FHOD3: variants seen among roughly 807,000 people sequenced by gnomAD.
The protein encoded by FHOD3 is formin homology 2 domain containing 3, also known as FH1/FH2 domain-containing protein 3.
In FHOD3, 90 loss-of-function variants were observed where a neutral mutation model predicts 173.0. That is an observed-to-expected ratio of 0.52 (90% confidence interval 0.44 to 0.62). The LOEUF (loss-of-function observed/expected upper bound fraction) is 0.62, where lower values mean the gene tolerates loss of function less well. FHOD3 is among the 20% of genes least tolerant of loss of function. The pLI is 0.00. For synonymous variants in FHOD3, 828 were observed against 823.0 expected (o/e 1.01, Z -0.10); for missense variants, 1,945 against 2,034.7 (o/e 0.96, Z 0.85).
chr18:36,412,980 A>G (rs1208325874), intron 3 of FHOD3, among the ~76,000 whole-genome samples: 1 of 152,208 alleles, frequency 6.6e-6, no homozygotes, highest in Non-Finnish European at 1.5e-5. Context: ...ACTGGTGGGC[A>G]CATGGTGAAA....
At chr18:36,636,025 G>A (rs1338176686) in intron 10 of FHOD3, among the ~76,000 whole-genome samples, 5 of 152,190 alleles carry the variant, frequency 3.3e-5, no homozygotes, top group East Asian at 1.9e-4. Context: ...GAATGGAAGC[G>A]AACATACCTC....
chr18:36,411,284 A>G (rs1419002291), intron 3 of FHOD3, among the ~76,000 whole-genome samples: 1 of 152,250 alleles, frequency 6.6e-6, no homozygotes, highest in Non-Finnish European at 1.5e-5. Flanking sequence ...GTTAATAAAT[A>G]CATTTTAAAT....
At chr18:36,376,723 A>G (rs897274217) in intron 3 of FHOD3, among the ~76,000 whole-genome samples, 29 of 152,264 alleles carry the variant, frequency 1.9e-4, no homozygotes, top group African/African-American at 6.3e-4. Context: ...CAACAGAAAC[A>G]TCAACAGCAA....
chr18:36,503,384 G>A (rs889744567), intron 4 of FHOD3, among the ~76,000 whole-genome samples: 1 of 152,172 alleles, frequency 6.6e-6, no homozygotes, highest in African/African-American at 2.4e-5. Context: ...AGTTGTCAGT[G>A]AGAGCCAGAG....
intron 3 of FHOD3, among the ~76,000 whole-genome samples, chr18:36,403,572 T>C (rs181034975): frequency 1.7e-4 from 26 of 152,260 alleles, no homozygotes; most frequent in African/African-American, 6.3e-4. Context: ...ATATACTCCA[T>C]GCAGAATTTT....
chr18:36,496,918 T>C (rs1041126789), intron 3 of FHOD3, among the ~76,000 whole-genome samples: 2 of 152,234 alleles, frequency 1.3e-5, no homozygotes, highest in Non-Finnish European at 2.9e-5. Context: ...TGGTGCTTTA[T>C]ACCATAGGGA....
chr18:36,333,222 G>A (rs957630791), intron 1 of FHOD3, among the ~76,000 whole-genome samples: 4 of 152,086 alleles, frequency 2.6e-5, no homozygotes, highest in African/African-American at 9.7e-5. Flanking sequence ...AGACTTTATC[G>A]GGTTCTAATT....
rs544119818 is a variant in FHOD3 at position 36,717,882 on chromosome 18, G to A, written c.2584G>A (p.Asp862Asn). Residue 862 changes from aspartate to asparagine, a missense_variant, in exon 19 of 29, where the codon GAC becomes AAC. Transcript: ENST00000590592. ...QDAGVNGQCG[D>N]ILTNKRFMLD... ...TGCAGGTGTAAATGGACAGTGTGGC[G>A]ACATCCTCACCAACAAACGGTTCAT... 39 of 1,610,730 alleles carry A rather than the reference G, an allele frequency of 2.4e-5. No individual in the cohort carries two copies. Among genetic ancestry groups the A allele is most frequent in the East Asian group, 1.6e-4 (7 of 44,864 alleles).
intron 3 of FHOD3, among the ~76,000 whole-genome samples, chr18:36,435,061 T>G (rs538546208): frequency 3.1e-4 from 47 of 151,480 alleles, no homozygotes; most frequent in African/African-American, 1.1e-3. Flanking sequence ...TTTGTAACCT[T>G]AATTTACTGA....
intron 2 of FHOD3, among the ~76,000 whole-genome samples, chr18:36,363,808 A>T (rs1402418700): frequency 6.7e-6 from 1 of 150,152 alleles, no homozygotes; most frequent in African/African-American, 2.4e-5. Context: ...GGACTTGTTA[A>T]TAATGTGTCA....
At chr18:36,573,465 G>A (rs562585753) in intron 5 of FHOD3, among the ~76,000 whole-genome samples, 12 of 151,612 alleles carry the variant, frequency 7.9e-5, no homozygotes, top group South Asian at 4.2e-4. Flanking sequence ...AAATAGCTTG[G>A]TGTGGTGGCA....
At chr18:36,593,886 C>T (rs2029872379) in intron 6 of FHOD3, among the ~76,000 whole-genome samples, 2 of 152,184 alleles carry the variant, frequency 1.3e-5, no homozygotes, top group Admixed American at 6.5e-5. Context: ...ATGTACAGCC[C>T]GAGGCAACCT....
At chr18:36,377,594 A>G (rs1165378006) in intron 3 of FHOD3, among the ~76,000 whole-genome samples, 4 of 152,196 alleles carry the variant, frequency 2.6e-5, no homozygotes, top group African/African-American at 9.6e-5. Context: ...AGTAAAGATG[A>G]GGCCCATGGA....
At chr18:36,426,866 A>T (rs28539827) in intron 3 of FHOD3, among the ~76,000 whole-genome samples, 134 of 152,126 alleles carry the variant, frequency 8.8e-4, no homozygotes, top group African/African-American at 3.0e-3. Context: ...GCCCTAAGTC[A>T]CATAGTTATA....
chr18:36,604,346 T>C (rs949988417), intron 8 of FHOD3, among the ~76,000 whole-genome samples: 1 of 152,200 alleles, frequency 6.6e-6, no homozygotes, highest in Non-Finnish European at 1.5e-5. Flanking sequence ...GATAAGTTTG[T>C]AGAAAGCAGT....
At position 36,718,222 on chromosome 18, in the gene FHOD3, A is replaced by C. The variant is rs1427905886; in HGVS notation, c.2924A>C (p.Glu975Ala). The change falls in exon 19 of 29, where the codon GAG becomes GCG. Residue 975 changes from glutamate to alanine, a missense_variant. Glu to Ala is a moderately radical substitution (Grantham distance 107, BLOSUM62 -1). Around this residue, in one of 5 missense-constraint regions of FHOD3, gnomAD observed 1,099 missense variants for 1,051.2 expected, o/e 1.05. Transcript: ENST00000590592. The part of the protein sequence containing the change: ...PETAPVQPKT[E>A]SDYIWDQLMA... ...ACAGCGCCGGTGCAGCCGAAGACAGAGTCTGATTACATCTGGGACCAGCTC... is the reference window on the plus strand; with the variant it reads ...ACAGCGCCGGTGCAGCCGAAGACAGCGTCTGATTACATCTGGGACCAGCTC... 1 of 1,614,162 alleles carries C rather than the reference A, an allele frequency of 6.2e-7. No homozygotes were observed. The highest frequency in any genetic ancestry group is 8.5e-7 in the Non-Finnish European group (1 of 1,180,014).
intron 15 of FHOD3, among the ~76,000 whole-genome samples, chr18:36,684,273 A>G (rs551503784): frequency 1.3e-5 from 2 of 152,234 alleles, no homozygotes; most frequent in African/African-American, 4.8e-5. Flanking sequence ...TAAGACCTCA[A>G]ATCTCATTAC....
intron 6 of FHOD3, among the ~76,000 whole-genome samples, chr18:36,583,886 C>T (rs1191804683): frequency 1.3e-5 from 2 of 152,056 alleles, no homozygotes; most frequent in Non-Finnish European, 2.9e-5. Flanking sequence ...AGTATAGTGA[C>T]ACAGTCTCGG....
chr18:36,611,864 A>G (rs1277247855), intron 8 of FHOD3, 88 bp from the exon 9 acceptor site: 1 of 1,296,918 alleles, frequency 7.7e-7, no homozygotes, highest in East Asian at 2.4e-5. Flanking sequence ...TTATAACAAT[A>G]TGCCTGGATT....
Sources: allele counts gnomAD v4.1 joint callset (sites outside exome capture counted in the v4.1 genomes callset), GRCh38; gene constraint gnomAD v4.1.1; regional missense constraint gnomAD v4.1.1; transcripts MANE v1.5; gene names NCBI Gene and HGNC (gene_info 2026-07-23, HGNC 2026-07-21).